PCDHB4: variants seen among roughly 807,000 people sequenced by gnomAD.
PCDHB4 encodes protocadherin beta 4.
For synonymous variants in PCDHB4, 482 were observed against 447.3 expected (o/e 1.08, Z -0.98); for missense variants, 1,063 against 1,007.0 (o/e 1.06, Z -0.75).
chr5:141,123,155 A>G lies in PCDHB4; in HGVS notation c.1157A>G (p.Asp386Gly). The change falls in exon 1 of 1, where the codon GAT becomes GGT. Residue 386 changes from aspartate to glycine, a missense_variant. By Grantham distance (94) the Asp-to-Gly change is moderately conservative. Transcript: ENST00000194152. Reference protein sequence around the residue: ...ENGKMICSIPDNLPFILKPTL... With the variant: ...ENGKMICSIPGNLPFILKPTL... The stretch of plus-strand genomic sequence containing the variant: ...GGAAAGATGATTTGCTCTATTCCAG[A>G]TAATCTACCGTTTATTCTAAAACCA... The G allele has an allele frequency of 6.2e-7, 1 of 1,614,192 alleles. No homozygotes were observed. The highest frequency in any genetic ancestry group is 1.3e-5 in the African/African-American group (1 of 75,038).
At position 141,122,649 on chromosome 5, in the gene PCDHB4, G is replaced by A. The variant is rs1752310973; in HGVS notation, c.651G>A (p.Gly217=). The A allele has an allele frequency of 1.2e-6, 2 of 1,614,066 alleles. No homozygotes were observed. Among genetic ancestry groups the A allele is most frequent in the South Asian group, 2.2e-5 (2 of 91,080 alleles). The change falls in exon 1 of 1, where the codon GGG becomes GGA. Residue 217 remains glycine (G), a synonymous_variant. Transcript: ENST00000194152. Reference sequence around the variant, plus strand: ...TAACCCTCGTGGCGCTGGATGGTGGGTCACCACCTAGGTCTGGCACGGTCA... The same window carrying A: ...TAACCCTCGTGGCGCTGGATGGTGGATCACCACCTAGGTCTGGCACGGTCA... The part of the protein sequence containing the change: ...FSLTLVALDG[G]SPPRSGTVMV...
rs4143455 is a variant in PCDHB4, at chr5:141,124,159, G to A, written c.2161G>A (p.Val721Met). 10 of 1,612,822 alleles carry A rather than the reference G, an allele frequency of 6.2e-6. 1 individual carries two copies. The South Asian group carries it at 9.9e-5, about 16-fold the overall frequency. The change falls in exon 1 of 1, where the codon GTG (valine) becomes ATG (methionine). Residue 721 changes from valine to methionine, a missense_variant. Coordinates refer to ENST00000194152, the MANE Select transcript of PCDHB4 (RefSeq NM_018938.4). ...RLCRRSRAAS[V>M]GRCSVPEGPF... ...GTGCAGGAGGAGCAGGGCGGCCTCG[G>A]TGGGTCGCTGCTCGGTGCCCGAGGG...
chr5:141,123,993 C>T lies in PCDHB4; in HGVS notation c.1995C>T (p.Phe665=), dbSNP rs1752362107. 1.2e-6 allele frequency: 2 copies of T among 1,604,650 alleles called. No homozygotes were observed. The highest frequency in any genetic ancestry group is 1.7e-5 in the Admixed American group (1 of 60,002). The change falls in exon 1 of 1, where the codon TTC becomes TTT. Residue 665 remains phenylalanine, a synonymous_variant. Coordinates refer to ENST00000194152, the MANE Select transcript of PCDHB4 (RefSeq NM_018938.4). ...ATLHVLLVDG[F]SQPYLPLPEA... The stretch of plus-strand genomic sequence containing the variant: ...TGCACGTGCTCCTGGTGGATGGCTT[C>T]TCCCAGCCCTACCTGCCTCTCCCTG...
At position 141,122,702 on chromosome 5, in the gene PCDHB4, A is replaced by G. The variant is rs1588316207; in HGVS notation, c.704A>G (p.Asn235Ser). Reference protein sequence around the residue: ...VMVRILIMDINDNAPEFVHTP... With the variant: ...VMVRILIMDISDNAPEFVHTP... ...GTTCGAATCCTGATCATGGACATCAATGACAATGCTCCTGAGTTTGTGCAC... is the reference window on the plus strand; with the variant it reads ...GTTCGAATCCTGATCATGGACATCAGTGACAATGCTCCTGAGTTTGTGCAC... Residue 235 changes from asparagine to serine, a missense_variant, in exon 1 of 1, where the codon AAT (asparagine) becomes AGT (serine). Asn to Ser is a conservative substitution (Grantham distance 46). Transcript: ENST00000194152. 8 of 1,614,194 alleles carry G rather than the reference A, an allele frequency of 5.0e-6. No individual in the cohort carries two copies. The highest frequency in any genetic ancestry group is 1.3e-5 in the African/African-American group (1 of 75,052).
At position 141,123,985 on chromosome 5, in the gene PCDHB4, G is replaced by A. The variant is rs781938959; in HGVS notation, c.1987G>A (p.Asp663Asn). 6.2e-7 allele frequency: 1 copy of A among 1,604,632 alleles called. No individual in the cohort carries two copies. Among genetic ancestry groups the A allele is most frequent in the African/African-American group, 1.3e-5 (1 of 74,876 alleles). ...ATATLHVLLV[D>N]GFSQPYLPLP... ...CGCCACGCTGCACGTGCTCCTGGTG[G>A]ATGGCTTCTCCCAGCCCTACCTGCC... is the stretch of plus-strand genomic sequence containing the variant. The change falls in exon 1 of 1, where the codon GAT becomes AAT. Residue 663 changes from aspartate (D) to asparagine (N), a missense_variant. By Grantham distance (23) the Asp-to-Asn change is conservative. Transcript: ENST00000194152.
In PCDHB4 at chr5:141,124,484, T is replaced by A; in HGVS notation, c.*98T>A. The A allele has an allele frequency of 1.9e-6, 2 of 1,063,942 alleles. No individual in the cohort carries two copies. Among genetic ancestry groups the A allele is most frequent in the Non-Finnish European group, 2.7e-6 (2 of 749,388 alleles). The allele number at this position is 1,063,942 out of a possible 1,614,324, so 65.9% of individuals were successfully genotyped here. On this transcript the variant is annotated 3_prime_UTR_variant, in exon 1 of 1. Transcript: ENST00000194152. ...AATTGTCTACTTATCTAAATATTCA[T>A]ACCACAATTTCAAACCTACTCATGT...
At position 141,123,528 on chromosome 5, in the gene PCDHB4, C is replaced by T; in HGVS notation, c.1530C>T (p.Gly510=). ...TGGTCTCCATCAACGCAGACAACGG[C>T]CACCTGTTCGCCCTCAGGTCGCTGG... The part of the protein sequence containing the change: ...ASLVSINADN[G]HLFALRSLDY... The change falls in exon 1 of 1, where the codon GGC becomes GGT. Residue 510 remains glycine, a synonymous_variant. Coordinates refer to ENST00000194152, the MANE Select transcript of PCDHB4 (RefSeq NM_018938.4). 3.7e-6 allele frequency: 6 copies of T among 1,613,298 alleles called. No homozygotes were observed. Among genetic ancestry groups the T allele is most frequent in the Non-Finnish European group, 5.1e-6 (6 of 1,179,966 alleles).
chr5:141,124,173 G>A lies in PCDHB4; in HGVS notation c.2175G>A (p.Ser725=), dbSNP rs782447575. ...RSRAASVGRC[S]VPEGPFPGHL... ...GGGCGGCCTCGGTGGGTCGCTGCTC[G>A]GTGCCCGAGGGCCCCTTTCCAGGGC... The change falls in exon 1 of 1, where the codon TCG becomes TCA. Residue 725 remains serine (S), a synonymous_variant. Transcript: ENST00000194152. 2.5e-6 allele frequency: 4 copies of A among 1,612,958 alleles called. No homozygotes were observed. The highest frequency in any genetic ancestry group is 3.4e-6 in the Non-Finnish European group (4 of 1,179,962).
chr5:141,122,916 G>A lies in PCDHB4; in HGVS notation c.918G>A (p.Leu306=), dbSNP rs1554274439. ...VTGEILLKKK[L]DFEKIKSYHV... ...GAGAAATACTGTTGAAAAAAAAATTGGATTTCGAAAAAATTAAATCTTACC... is the reference window on the plus strand; with the variant it reads ...GAGAAATACTGTTGAAAAAAAAATTAGATTTCGAAAAAATTAAATCTTACC... The change falls in exon 1 of 1, where the codon TTG becomes TTA. Residue 306 remains leucine, a synonymous_variant. Coordinates refer to ENST00000194152, the MANE Select transcript of PCDHB4 (RefSeq NM_018938.4). The A allele has an allele frequency of 1.2e-6, 2 of 1,607,942 alleles. No individual in the cohort carries two copies. Among genetic ancestry groups the A allele is most frequent in the Admixed American group, 1.7e-5 (1 of 58,466 alleles).
Position 141,122,935 on chromosome 5 carries a change from T to C in PCDHB4, c.937T>C (p.Ser313Pro), listed in dbSNP as rs782308927. ...KKKLDFEKIK[S>P]YHVEIEATDG... ...AAAATTGGATTTCGAAAAAATTAAA[T>C]CTTACCATGTAGAAATTGAGGCCAC... Residue 313 changes from serine to proline, a missense_variant, in exon 1 of 1, where the codon TCT (serine) becomes CCT (proline). Transcript: ENST00000194152. The C allele has an allele frequency of 1.2e-6, 2 of 1,611,080 alleles. No individual in the cohort carries two copies. Among genetic ancestry groups the C allele is most frequent in the East Asian group, 2.2e-5 (1 of 44,872 alleles).
chr5:141,121,863 G>A lies in PCDHB4; in HGVS notation c.-136G>A, dbSNP rs1258617668. ...GCAGTGCAGGTTTACCAACGGCTTG[G>A]GGCAGCGATATACTAAACAAATTTA... On this transcript the variant is annotated 5_prime_UTR_variant, in exon 1 of 1. Coordinates refer to ENST00000194152, the MANE Select transcript of PCDHB4 (RefSeq NM_018938.4). The A allele has an allele frequency of 3.0e-5, 19 of 626,822 alleles. No homozygotes were observed. The highest frequency in any genetic ancestry group is 2.4e-4 in the African/African-American group (13 of 54,366). 38.8% of individuals were successfully genotyped at this position (626,822 alleles called of 1,614,324 possible).
Position 141,122,903 on chromosome 5 carries a change from TG to T in PCDHB4, c.906del (p.Lys305AsnfsTer12). 3 of 1,607,142 alleles carry T rather than the reference TG, an allele frequency of 1.9e-6. No individual in the cohort carries two copies. Among genetic ancestry groups the T allele is most frequent in the South Asian group, 2.2e-5 (2 of 89,554 alleles). On this transcript the variant is annotated frameshift_variant, in exon 1 of 1. Coordinates refer to ENST00000194152, the MANE Select transcript of PCDHB4 (RefSeq NM_018938.4). LOFTEE classifies it low-confidence loss of function (END_TRUNC). Reference sequence around the variant, plus strand: ...AATGAAGTCACGGGAGAAATACTGTTGAAAAAAAAATTGGATTTCGAAAAAA... The same window carrying T: ...AATGAAGTCACGGGAGAAATACTGTTAAAAAAAAATTGGATTTCGAAAAAA... The part of the protein sequence containing the change: ...SINEVTGEIL[L>X]KKKLDFEKIK...
In PCDHB4 at chr5:141,122,752, G is replaced by C; in HGVS notation, c.754G>C (p.Glu252Gln). ...CACTCCATATGGGGTGCAGGTCCTG[G>C]AAAACAGCCCCCTAGACTCTCCAAT... is the stretch of plus-strand genomic sequence containing the variant. The part of the protein sequence containing the change: ...VHTPYGVQVL[E>Q]NSPLDSPIVR... Residue 252 changes from glutamate (E) to glutamine (Q), a missense_variant, in exon 1 of 1, where the codon GAA (glutamate) becomes CAA (glutamine). By Grantham distance (29) the Glu-to-Gln change is conservative (BLOSUM62 2). Transcript: ENST00000194152. The C allele has an allele frequency of 6.2e-7, 1 of 1,614,126 alleles. No homozygotes were observed. Among genetic ancestry groups the C allele is most frequent in the Non-Finnish European group, 8.5e-7 (1 of 1,180,006 alleles).
Position 141,123,803 on chromosome 5 carries a change from C to A in PCDHB4, c.1805C>A (p.Ser602Ter). ...GACTCGGGCCAGAACGCCTGGCTGT[C>A]GTACCAGCTGCTCAAGGCCACGGAG... is the stretch of plus-strand genomic sequence containing the variant. ...DGDSGQNAWLSYQLLKATEPG... is the reference protein window; with the variant it reads ...DGDSGQNAWL Residue 602 changes from serine to a stop codon, truncating the protein, a stop_gained, in exon 1 of 1, where the codon TCG (serine) becomes TAG (stop). Coordinates refer to ENST00000194152, the MANE Select transcript of PCDHB4 (RefSeq NM_018938.4). LOFTEE classifies it low-confidence loss of function (END_TRUNC). The A allele has an allele frequency of 1.2e-6, 2 of 1,609,894 alleles. No homozygotes were observed. The highest frequency in any genetic ancestry group is 1.7e-6 in the Non-Finnish European group (2 of 1,179,700).
chr5:141,122,296 C>A lies in PCDHB4; in HGVS notation c.298C>A (p.Pro100Thr). The A allele has an allele frequency of 1.2e-6, 2 of 1,613,998 alleles. No individual in the cohort carries two copies. Among genetic ancestry groups the A allele is most frequent in the Non-Finnish European group, 1.7e-6 (2 of 1,180,042 alleles). The change falls in exon 1 of 1, where the codon CCG becomes ACG. Residue 100 changes from proline (P) to threonine (T), a missense_variant. By Grantham distance (38) the Pro-to-Thr change is conservative (BLOSUM62 -1). Transcript: ENST00000194152. ...GGAAGAGCTCTGTGGTCCTATTGAA[C>A]CGTGTGTACTGCATTTCCAAGTGTT... ...DREELCGPIE[P>T]CVLHFQVFLE... is the part of the protein sequence containing the mutation.
In PCDHB4 at chr5:141,123,337, G is replaced by T; in HGVS notation, c.1339G>T (p.Ala447Ser). The T allele has an allele frequency of 6.2e-7, 1 of 1,613,982 alleles. No individual in the cohort carries two copies. The change falls in exon 1 of 1, where the codon GCC (alanine) becomes TCC (serine). Residue 447 changes from alanine (A) to serine (S), a missense_variant. Transcript: ENST00000194152. ...TVQVSDVNDN[A>S]PAFTQTSYTL... Reference sequence around the variant, plus strand: ...GCAGGTCTCCGACGTCAATGACAACGCCCCCGCCTTCACCCAAACCTCCTA... The same window carrying T: ...GCAGGTCTCCGACGTCAATGACAACTCCCCCGCCTTCACCCAAACCTCCTA...
rs781824548 is a variant in PCDHB4, at chr5:141,123,642, G to C, written c.1644G>C (p.Val548=). The C allele has an allele frequency of 2.5e-6, 4 of 1,611,750 alleles. No homozygotes were observed. The Admixed American group carries it at 5.0e-5, about 20-fold the overall frequency. Reference sequence around the variant, plus strand: ...TGAGCAGCGAGGCGCTGGTGCGCGTGCTGGTGCTGGACACCAACGACAACT... The same window carrying C: ...TGAGCAGCGAGGCGCTGGTGCGCGTCCTGGTGCTGGACACCAACGACAACT... ...PALSSEALVR[V]LVLDTNDNSP... The change falls in exon 1 of 1, where the codon GTG becomes GTC. Residue 548 remains valine (V), a synonymous_variant. Coordinates refer to ENST00000194152, the MANE Select transcript of PCDHB4 (RefSeq NM_018938.4).
chr5:141,122,075 G>T lies in PCDHB4; in HGVS notation c.77G>T (p.Arg26Leu). 2 of 1,614,016 alleles carry T rather than the reference G, an allele frequency of 1.2e-6. No homozygotes were observed. The highest frequency in any genetic ancestry group is 1.7e-6 in the Non-Finnish European group (2 of 1,179,998). Residue 26 changes from arginine to leucine, a missense_variant, in exon 1 of 1, where the codon CGC becomes CTC. Coordinates refer to ENST00000194152, the MANE Select transcript of PCDHB4 (RefSeq NM_018938.4). Reference sequence around the variant, plus strand: ...TTGATGGTGTTCTTGTCTCAGGTTCGCCTCGAGCCTATTCGTTATTCTGTG... The same window carrying T: ...TTGATGGTGTTCTTGTCTCAGGTTCTCCTCGAGCCTATTCGTTATTCTGTG... Reference protein sequence around the residue: ...FILMVFLSQVRLEPIRYSVLE... With the variant: ...FILMVFLSQVLLEPIRYSVLE...
Position 141,122,850 on chromosome 5 carries a change from A to G in PCDHB4, c.852A>G (p.Ser284=), listed in dbSNP as rs782430139. Residue 284 remains serine, a synonymous_variant, in exon 1 of 1, where the codon TCA becomes TCG. Transcript: ENST00000194152. The part of the protein sequence containing the change: ...GSVSYGLFQA[S]DEIKQTFSIN... ...TTTCTTATGGCTTATTCCAAGCATC[A>G]GATGAAATTAAACAAACTTTCTCAA... The G allele has an allele frequency of 2.2e-5, 35 of 1,613,926 alleles. 1 individual carries two copies. In the South Asian group the frequency reaches 3.5e-4, roughly 16 times the overall value.
Sources: allele counts gnomAD v4.1 joint callset, GRCh38; gene constraint gnomAD v4.1.1; transcripts MANE v1.5; gene names NCBI Gene and HGNC (gene_info 2026-07-23, HGNC 2026-07-21).